Variants in KIF13B observed in about 807,000 individuals in gnomAD.
KIF13B encodes the protein kinesin family member 13B.
In KIF13B, 127 loss-of-function variants were observed where a neutral mutation model predicts 222.0. The observed-to-expected ratio is 0.57, with a 90% CI of 0.50 to 0.66. The LOEUF is 0.66. Ranked by LOEUF, KIF13B falls within the 30% of genes least tolerant of loss-of-function variation. The pLI, the probability that KIF13B is intolerant of heterozygous loss-of-function variation, is 0.00. For missense variants in KIF13B, 2,173 were observed against 2,379.0 expected, an observed-to-expected ratio of 0.91 and a Z score of 1.80; for synonymous variants, 976 against 919.0, an observed-to-expected ratio of 1.06 and a Z score of -1.12.
intron 37 of KIF13B, among the ~76,000 whole-genome samples, chr8:29,080,480 C>T (rs1807759393): frequency 6.6e-6 from 1 of 152,196 alleles, no homozygotes; most frequent in Admixed American, 6.5e-5. Flanking sequence ...CGTGTCCAGC[C>T]CTGGCCTGAA....
rs1475776969 is a variant in KIF13B at position 29,116,888 on chromosome 8, A to G, written c.3780T>C (p.Pro1260=). ...TGCGTAACACCAGTTGCATGTCAGC[A>G]GGGTGGCTGAGCTGGACCGTCACGC... ...IVRVTVQLSH[P]ADMQLVLRKR... is the part of the protein sequence containing the mutation. Residue 1260 remains proline (P), a synonymous_variant, in exon 31 of 40, where the codon CCT becomes CCC. Coordinates refer to ENST00000524189, the MANE Select transcript of KIF13B (RefSeq NM_015254.4). 1 of 1,613,624 alleles carries G rather than the reference A, an allele frequency of 6.2e-7. No individual in the cohort carries two copies. The highest frequency in any genetic ancestry group is 1.7e-5 in the Admixed American group (1 of 60,004).
chr8:29,084,485 A>C (rs1807954957), intron 37 of KIF13B, among the ~76,000 whole-genome samples: 1 of 152,182 alleles, frequency 6.6e-6, no homozygotes, highest in African/African-American at 2.4e-5. Flanking sequence ...TCTACCTACC[A>C]CACGTGAGGC....
At chr8:29,076,236 C>A (rs747676330) in intron 37 of KIF13B, among the ~76,000 whole-genome samples, 3 of 152,192 alleles carry the variant, frequency 2.0e-5, no homozygotes, top group Non-Finnish European at 2.9e-5. Context: ...TGCCCCTCCC[C>A]CTCCCCCTAC....
intron 2 of KIF13B, among the ~76,000 whole-genome samples, chr8:29,208,675 C>G (rs1195129052): frequency 3.9e-4 from 59 of 152,224 alleles, no homozygotes; most frequent in Non-Finnish European, 7.3e-5. Context: ...ACAACCAGAG[C>G]TCTAATTCAC....
chr8:29,251,382 A>C (rs1816274782), intron 1 of KIF13B, among the ~76,000 whole-genome samples: 1 of 152,232 alleles, frequency 6.6e-6, no homozygotes, highest in African/African-American at 2.4e-5. Context: ...GAGGCAACCC[A>C]AGCACCCACT....
At chr8:29,189,822 C>T (rs576867202) in intron 4 of KIF13B, 1 of 152,362 alleles carries the variant, frequency 6.6e-6, no homozygotes, top group East Asian at 1.9e-4. Flanking sequence ...CATGTAAGAG[C>T]TGGGGCGTGT....
chr8:29,072,019 T>C lies in KIF13B; in HGVS notation c.4819A>G (p.Ile1607Val). 1.5e-6 allele frequency: 2 copies of C among 1,292,338 alleles called. No homozygotes were observed. The highest frequency in any genetic ancestry group is 2.0e-6 in the Non-Finnish European group (2 of 1,023,508). The allele number at this position is 1,292,338 out of a possible 1,614,324, so 80.1% of individuals were successfully genotyped here. The change falls in exon 39 of 40, where the codon ATC (isoleucine) becomes GTC (valine). Residue 1607 changes from isoleucine (I) to valine (V), a missense_variant. Ile to Val is a conservative substitution (Grantham distance 29). Coordinates refer to ENST00000524189, the MANE Select transcript of KIF13B (RefSeq NM_015254.4). Reference sequence around the variant, plus strand: ...GCCGTGGGCGGTGGGGGGTGGCTGATGGGCGCCTCGGGCTCGGCCTCAGGG... The same window carrying C: ...GCCGTGGGCGGTGGGGGGTGGCTGACGGGCGCCTCGGGCTCGGCCTCAGGG... ...TAPEAEPEAP[I>V]SHPPPPTAVP...
rs779009054 is a variant in KIF13B, at chr8:29,132,364, G to A, written c.2886C>T (p.Asn962=). The change falls in exon 23 of 40, where the codon AAC becomes AAT. Residue 962 remains asparagine, a synonymous_variant. Coordinates refer to ENST00000524189, the MANE Select transcript of KIF13B (RefSeq NM_015254.4). ...YGHKINDPRK[N]PALWDLGIIQ... ...TGATTCCCAAATCCCACAGGGCGGG[G>A]TTTTTCCGGGGATCGTTTATTTTAT... The A allele has an allele frequency of 2.5e-6, 4 of 1,592,770 alleles. No individual in the cohort carries two copies. In the South Asian group the frequency reaches 3.4e-5, roughly 14 times the overall value.
chr8:29,183,827 G>A (rs1410122691), intron 6 of KIF13B, among the ~76,000 whole-genome samples: 1 of 152,148 alleles, frequency 6.6e-6, no homozygotes, highest in East Asian at 1.9e-4. Context: ...TAACTAAGAA[G>A]GCAGGAGAGG....
chr8:29,093,256 G>C (rs758597911), intron 36 of KIF13B, among the ~76,000 whole-genome samples: 4 of 152,128 alleles, frequency 2.6e-5, no homozygotes, highest in Non-Finnish European at 5.9e-5. Flanking sequence ...TCTTTGTCTA[G>C]ACTTTAAGCT....
intron 1 of KIF13B, among the ~76,000 whole-genome samples, chr8:29,262,658 G>C (rs1412924825): frequency 6.6e-6 from 1 of 151,422 alleles, no homozygotes. Context: ...CGCGAGGGCC[G>C]AGGGCGCCCT....
chr8:29,173,559 C>T (rs936274139), intron 10 of KIF13B, among the ~76,000 whole-genome samples: 1 of 151,510 alleles, frequency 6.6e-6, no homozygotes, highest in South Asian at 2.1e-4. Context: ...GAGTTCCAGA[C>T]TGTAGTGAGT....
Position 29,092,897 on chromosome 8 carries a change from A to G in KIF13B, c.4325-19T>C. The G allele has an allele frequency of 6.3e-7, 1 of 1,585,120 alleles. No homozygotes were observed. The highest frequency in any genetic ancestry group is 8.6e-7 in the Non-Finnish European group (1 of 1,164,796). Reference sequence around the variant, plus strand: ...CTGAGTCCTGCCCATATTACAGGGGAAAAAGATAAAACAAATACAATTACA... The same window carrying G: ...CTGAGTCCTGCCCATATTACAGGGGGAAAAGATAAAACAAATACAATTACA... On this transcript the variant is annotated intron_variant, in intron 36 of 39. Coordinates refer to ENST00000524189, the MANE Select transcript of KIF13B (RefSeq NM_015254.4).
chr8:29,093,414 G>T (rs778206034), intron 36 of KIF13B, among the ~76,000 whole-genome samples: 1 of 152,112 alleles, frequency 6.6e-6, no homozygotes, highest in African/African-American at 2.4e-5. Context: ...AACAACTTAC[G>T]TTCTTACCTG....
rs117810694 is a variant in KIF13B at position 29,129,118 on chromosome 8, T to C, written c.3075+1415A>G. Among the ~76,000 whole-genome samples the C allele has an allele frequency of 1.5e-3, 233 of 152,340 alleles. 8 individuals are homozygous for C. In the East Asian group the frequency reaches 0.038, roughly 25 times the overall value. On this transcript the variant is annotated intron_variant, in intron 24 of 39. Coordinates refer to ENST00000524189, the MANE Select transcript of KIF13B (RefSeq NM_015254.4). ...AATCCTTTCAGAACTTGCATGATTT[T>C]TTCAATATGAAGGTAAAGAGGCATA...
intron 5 of KIF13B, among the ~76,000 whole-genome samples, chr8:29,187,684 G>A (rs1282535924): frequency 6.6e-6 from 1 of 152,188 alleles, no homozygotes; most frequent in Non-Finnish European, 1.5e-5. Flanking sequence ...TCTGTTTTTA[G>A]TAGCAGTGTT....
chr8:29,147,346 G>A (rs1423121600), intron 17 of KIF13B, 46 bp downstream of exon 17: 8 of 1,417,680 alleles, frequency 5.6e-6, no homozygotes, highest in Non-Finnish European at 7.8e-6. Flanking sequence ...TGTTAGAGGT[G>A]GCAAGCCTGA....
chr8:29,217,817 T>C (rs1814560533), intron 2 of KIF13B, among the ~76,000 whole-genome samples: 1 of 152,152 alleles, frequency 6.6e-6, no homozygotes, highest in African/African-American at 2.4e-5. Flanking sequence ...AACTAGAAAT[T>C]AATTTGCAAT....
chr8:29,262,715 G>A (rs1249405320), intron 1 of KIF13B, among the ~76,000 whole-genome samples: 1 of 151,548 alleles, frequency 6.6e-6, no homozygotes, highest in Non-Finnish European at 1.5e-5. Flanking sequence ...GCAGGGGCGG[G>A]GCGGGCGCAG....
Sources: gnomAD v4.1 joint callset for allele counts (sites outside exome capture counted in the v4.1 genomes callset) on GRCh38, gnomAD v4.1.1 for gene constraint, MANE v1.5 for transcripts, NCBI Gene and HGNC (gene_info 2026-07-23, HGNC 2026-07-21) for gene names.